GRM7: variants seen among roughly 807,000 people sequenced by gnomAD.
The protein encoded by GRM7 is metabotropic glutamate receptor 7.
GRM7 carries 35 observed loss-of-function variants against 84.5 expected under a neutral mutation model. That is an observed-to-expected ratio of 0.41 (90% CI 0.32 to 0.55). The LOEUF (loss-of-function observed/expected upper bound fraction) is 0.55. Among genes scored for constraint, GRM7 ranks in the 20% least tolerant of loss-of-function variants. The pLI is 0.19. For synonymous variants in GRM7, 487 were observed against 455.1 expected (o/e 1.07, Z -0.89); for missense variants, 1,003 against 1,194.6 (o/e 0.84, Z 2.36).
At chr3:7,494,124 T>G (rs1190129526) in intron 7 of GRM7, among the ~76,000 whole-genome samples, 1 of 152,184 alleles carries the variant, frequency 6.6e-6, no homozygotes, top group African/African-American at 2.4e-5. Flanking sequence ...TTCCTTCTTT[T>G]GTTATTTCCT....
intron 1 of GRM7, among the ~76,000 whole-genome samples, chr3:7,099,893 AC>A (rs931750827): frequency 2.2e-5 from 3 of 137,030 alleles, no homozygotes; most frequent in Non-Finnish European, 4.6e-5. Context: ...ATACATATAT[AC>A]ATAGATTATA....
At chr3:7,056,486 A>G (rs2124962874) in intron 1 of GRM7, among the ~76,000 whole-genome samples, 1 of 152,076 alleles carries the variant, frequency 6.6e-6, no homozygotes, top group African/African-American at 2.4e-5. Context: ...ACCTGTCATA[A>G]GTGACTCCAT....
At chr3:7,434,699 TG>T (rs1386603973) in intron 5 of GRM7, among the ~76,000 whole-genome samples, 2 of 152,178 alleles carry the variant, frequency 1.3e-5, no homozygotes, top group African/African-American at 4.8e-5. Flanking sequence ...GATAATATTT[TG>T]CTAAGGAATA....
rs75863828 is a variant in GRM7 at position 7,583,990 on chromosome 3, G to T, written c.2451+4633G>T. Among the ~76,000 whole-genome samples the T allele has an allele frequency of 9.5e-4, 145 of 152,228 alleles. 1 individual carries two copies. In the East Asian group the frequency reaches 0.014, roughly 14 times the overall value. On this transcript the variant is annotated intron_variant, in intron 8 of 9. Transcript: ENST00000357716. ...AAGTGTGAGAAATATGATAGTTGTC[G>T]CACAAAGAATGAAGGACAGGAACAT...
intron 5 of GRM7, among the ~76,000 whole-genome samples, chr3:7,426,628 G>A (rs1696622055): frequency 6.6e-6 from 1 of 152,064 alleles, no homozygotes; most frequent in South Asian, 2.1e-4. Flanking sequence ...CTGTCCTTCT[G>A]AGAGACACTT....
chr3:7,503,352 T>C (rs1699940352), intron 7 of GRM7, among the ~76,000 whole-genome samples: 1 of 152,088 alleles, frequency 6.6e-6, no homozygotes, highest in South Asian at 2.1e-4. Flanking sequence ...TAGATGACAG[T>C]GACCTTTCCA....
At chr3:7,478,412 T>C (rs1699006681) in intron 7 of GRM7, among the ~76,000 whole-genome samples, 1 of 152,184 alleles carries the variant, frequency 6.6e-6, no homozygotes, top group Admixed American at 6.5e-5. Context: ...CAAGTAGACA[T>C]TTATTTTTCA....
intron 1 of GRM7, among the ~76,000 whole-genome samples, chr3:6,981,128 T>C (rs1233637711): frequency 6.6e-6 from 1 of 152,190 alleles, no homozygotes; most frequent in African/African-American, 2.4e-5. Context: ...CAGATAAGGT[T>C]TAACCAAAAC....
At chr3:7,072,418 A>C (rs1041365379) in intron 1 of GRM7, among the ~76,000 whole-genome samples, 1 of 152,158 alleles carries the variant, frequency 6.6e-6, no homozygotes. Flanking sequence ...GTTGTGGCTC[A>C]TGCCTGTTAT....
intron 1 of GRM7, among the ~76,000 whole-genome samples, chr3:7,139,264 T>C (rs1156608140): frequency 6.6e-6 from 1 of 151,634 alleles, no homozygotes; most frequent in Non-Finnish European, 1.5e-5. Flanking sequence ...ACTGAACACC[T>C]CAAAGATGCT....
chr3:7,692,969 CTTTCTTTCTTTTTT>C (rs1700863866), intron 9 of GRM7, among the ~76,000 whole-genome samples: 1 of 150,798 alleles, frequency 6.6e-6, no homozygotes, highest in African/African-American at 2.4e-5. Context: ...ATGCATCTTT[CTTTCTTTCTTTTTT>C]TTTTTTTCTT....
chr3:7,010,215 C>G (rs1695324466), intron 1 of GRM7, among the ~76,000 whole-genome samples: 1 of 152,154 alleles, frequency 6.6e-6, no homozygotes, highest in African/African-American at 2.4e-5. Context: ...GTTTGGGAGG[C>G]CAAGGCAGGC....
intron 4 of GRM7, among the ~76,000 whole-genome samples, chr3:7,348,102 C>G (rs974342487): frequency 6.6e-6 from 1 of 152,094 alleles, no homozygotes. Context: ...GGACTCCTTC[C>G]GTGTCCTTAG....
chr3:7,324,916 T>C (rs1048095942), intron 4 of GRM7, among the ~76,000 whole-genome samples: 1 of 152,170 alleles, frequency 6.6e-6, no homozygotes, highest in African/African-American at 2.4e-5. Flanking sequence ...ACTCTCCTAG[T>C]TTCTTCCAGT....
At chr3:6,960,258 T>C (rs1693240829) in intron 1 of GRM7, among the ~76,000 whole-genome samples, 1 of 152,142 alleles carries the variant, frequency 6.6e-6, no homozygotes, top group Non-Finnish European at 1.5e-5. Flanking sequence ...ATTTCACTGT[T>C]TTGGATTTAA....
intron 7 of GRM7, among the ~76,000 whole-genome samples, chr3:7,530,753 T>G (rs922530882): frequency 6.6e-6 from 1 of 151,842 alleles, no homozygotes; most frequent in African/African-American, 2.4e-5. Context: ...TTTTGAGGAG[T>G]GTCTGTTCTT....
Position 7,264,111 on chromosome 3 carries a change from A to C in GRM7, c.737-34573A>C, listed in dbSNP as rs1001563929. Among the ~76,000 whole-genome samples the C allele has an allele frequency of 3.3e-4, 50 of 152,020 alleles. 1 individual carries two copies. Among genetic ancestry groups the C allele is most frequent in the Admixed American group, 3.2e-3 (49 of 15,280 alleles). On this transcript the variant is annotated intron_variant, in intron 2 of 9. Transcript: ENST00000357716. ...CTCTCAGGAGTTGTCCCCTCTGGGT[A>C]CCCCAGGCTGCACTGCAAGCAAGTG...
At chr3:7,233,186 A>C (rs534762904) in intron 2 of GRM7, among the ~76,000 whole-genome samples, 43 of 152,302 alleles carry the variant, frequency 2.8e-4, no homozygotes, top group Middle Eastern at 3.4e-3. Context: ...AATTCTGGGC[A>C]ACTTTGTAAT....
Position 6,862,807 on chromosome 3 carries a change from C to G in GRM7, c.519+900C>G. ...TTGGAGGACGATTCCCGGAGCGAGG[C>G]ATGAAGGCGCCCGTTGGGAGGCAGA... On this transcript the variant is annotated intron_variant, in intron 1 of 9. Transcript: ENST00000357716. This position sits in a 1 kb window ranked among gnomAD's most constrained non-coding sequence, Gnocchi z 5.2. 1 of 309,310 alleles carries G rather than the reference C, an allele frequency of 3.2e-6. No individual in the cohort carries two copies. The highest frequency in any genetic ancestry group is 6.4e-6 in the Non-Finnish European group (1 of 155,550). The allele number at this position is 309,310 out of a possible 1,614,324, so 19.2% of individuals were successfully genotyped here. A position where few individuals can be genotyped will look rare whatever the true frequency, so the allele number is the denominator to read the frequency against.
Sources: allele counts gnomAD v4.1 joint callset (sites outside exome capture counted in the v4.1 genomes callset), GRCh38; gene constraint gnomAD v4.1.1; non-coding constraint Gnocchi (gnomAD v3.1); transcripts MANE v1.5; gene names NCBI Gene and HGNC (gene_info 2026-07-23, HGNC 2026-07-21).